Variants in ACSM3 observed in about 807,000 individuals in gnomAD.
ACSM3 encodes acyl-coenzyme A synthetase ACSM3, mitochondrial.
ACSM3 carries 61 observed loss-of-function variants against 74.1 expected under a neutral mutation model. The ratio of observed to expected loss-of-function variants is 0.82; its 90% CI spans 0.67 to 1.02. ACSM3 has a LOEUF of 1.02. Ranked by LOEUF, ACSM3 falls within the 50% of genes least tolerant of loss-of-function variation. ACSM3 has a pLI of 0.00. For missense variants in ACSM3, 660 were observed against 697.0 expected, an observed-to-expected ratio of 0.95 and a Z score of 0.60; for synonymous variants, 213 against 241.5, an observed-to-expected ratio of 0.88 and a Z score of 1.09.
At chr16:20,742,152 G>T in intron 1 of ACSM3, 1 of 899,838 alleles carries the variant, frequency 1.1e-6, no homozygotes, top group Non-Finnish European at 1.5e-6. Flanking sequence ...GAACTCAATT[G>T]AACGTGGACA....
intron 1 of ACSM3, among the ~76,000 whole-genome samples, chr16:20,695,592 A>G (rs556476553): frequency 9.2e-5 from 14 of 152,092 alleles, no homozygotes; most frequent in Non-Finnish European, 1.9e-4. Flanking sequence ...TCTATTATCT[A>G]TCTATCATCT....
intron 1 of ACSM3, among the ~76,000 whole-genome samples, chr16:20,748,510 A>G (rs234269): frequency 0.99 from 151,023 of 152,344 alleles, 74,857 homozygotes; most frequent in East Asian, 1. Context: ...CTATCTTAAA[A>G]GTCATTGTGA....
chr16:20,783,679 AG>A (rs2080403632), intron 7 of ACSM3: 1 of 152,230 alleles, frequency 6.6e-6, no homozygotes, highest in South Asian at 2.1e-4. Context: ...AAAAATACAT[AG>A]TGAAAAGTCT....
intron 12 of ACSM3, 181 bp from the exon 13 acceptor site, chr16:20,796,189 T>G: frequency 9.5e-7 from 1 of 1,054,740 alleles, no homozygotes; most frequent in South Asian, 1.9e-5. Context: ...CCAGAAGCTC[T>G]CCTGTATTAG....
chr16:20,795,300 G>A (rs1445748611), intron 12 of ACSM3, among the ~76,000 whole-genome samples: 1 of 152,138 alleles, frequency 6.6e-6, no homozygotes, highest in Admixed American at 6.5e-5. Context: ...CAGTACAGGC[G>A]TGACCCACTG....
chr16:20,711,856 C>T (rs907865033), intron 1 of ACSM3, among the ~76,000 whole-genome samples: 1 of 152,118 alleles, frequency 6.6e-6, no homozygotes, highest in African/African-American at 2.4e-5. Flanking sequence ...TGTAGTTCTG[C>T]CTCCATCCTC....
In ACSM3 at chr16:20,790,589, T is replaced by C. The variant is rs769788361; in HGVS notation, c.1227T>C (p.Ile409=). The change falls in exon 10 of 14, where the codon ATT becomes ATC. Residue 409 remains isoleucine, a splice_region_variant and synonymous_variant. Transcript: ENST00000289416. The surrounding 1 kb of genome is among the most constrained non-coding windows in gnomAD (Gnocchi z 4.0). Reference sequence around the variant, plus strand: ...TAAATTGTTCTATTTTATCCTAGATTGTAGATGTAAATGGCAATGTTCTAC... The same window carrying C: ...TAAATTGTTCTATTTTATCCTAGATCGTAGATGTAAATGGCAATGTTCTAC... ...GKPSPAFDVK[I]VDVNGNVLPP... 3 of 1,613,256 alleles carry C rather than the reference T, an allele frequency of 1.9e-6. No individual in the cohort carries two copies. Among genetic ancestry groups the C allele is most frequent in the South Asian group, 2.2e-5 (2 of 91,072 alleles).
upstream of ACSM3, among the ~76,000 whole-genome samples, chr16:20,759,049 G>A (rs954923246): frequency 2.6e-5 from 4 of 152,134 alleles, no homozygotes; most frequent in Non-Finnish European, 5.9e-5. Context: ...TTTTTTGTAT[G>A]CTAGTGAGAT....
chr16:20,776,155 T>A, intron 3 of ACSM3, 106 bp downstream of exon 3: 1 of 1,217,456 alleles, frequency 8.2e-7, no homozygotes, highest in Non-Finnish European at 1.2e-6. Flanking sequence ...GGGCTTATTG[T>A]CAAAGAGTGC....
intron 3 of ACSM3, among the ~76,000 whole-genome samples, chr16:20,756,562 A>C (rs1409158256): frequency 6.6e-6 from 1 of 152,080 alleles, no homozygotes; most frequent in South Asian, 2.1e-4. Context: ...AGGTTGCGAA[A>C]ATTTTCTCCC....
intron 1 of ACSM3, among the ~76,000 whole-genome samples, chr16:20,714,814 G>C (rs892019446): frequency 6.6e-6 from 1 of 152,144 alleles, no homozygotes; most frequent in Non-Finnish European, 1.5e-5. Context: ...TCAGGAACAA[G>C]AGGCAAAGAT....
chr16:20,703,529 G>A (rs1464496905), intron 1 of ACSM3: 2 of 151,434 alleles, frequency 1.3e-5, no homozygotes, highest in East Asian at 3.9e-4. Context: ...GTCCTTCGCA[G>A]ATTTTTTTTT....
intron 9 of ACSM3, 118 bp downstream of exon 9, chr16:20,786,276 A>G: frequency 3.5e-6 from 5 of 1,446,700 alleles, no homozygotes. Context: ...TACTTCCATG[A>G]TACTTTAATT....
At chr16:20,785,267 G>C (rs1461091920) in intron 8 of ACSM3, among the ~76,000 whole-genome samples, 160 bp downstream of exon 8, 1 of 152,146 alleles carries the variant, frequency 6.6e-6, no homozygotes, top group Non-Finnish European at 1.5e-5. Flanking sequence ...TTGCAAAAAA[G>C]CTCTGTTAAC....
intron 2 of ACSM3, among the ~76,000 whole-genome samples, chr16:20,773,276 G>A (rs1439562709): frequency 6.6e-6 from 1 of 151,520 alleles, no homozygotes; most frequent in African/African-American, 2.4e-5. Flanking sequence ...TCTTAATCTA[G>A]CTAAAGATTT....
At chr16:20,716,798 C>T (rs1244476126) in intron 1 of ACSM3, among the ~76,000 whole-genome samples, 1 of 152,158 alleles carries the variant, frequency 6.6e-6, no homozygotes, top group Non-Finnish European at 1.5e-5. Flanking sequence ...TACTCTTAAC[C>T]TGTCTTTTCT....
Position 20,796,998 on chromosome 16 carries a change from A to G in ACSM3, c.*26A>G, listed in dbSNP as rs201704352. On this transcript the variant is annotated 3_prime_UTR_variant, in exon 14 of 14. Transcript: ENST00000289416. ...AGTTGTTTCATTAATTACCATATCT[A>G]TAAAACAAACATAGTATCTGTCAAT... 1.1e-5 allele frequency: 18 copies of G among 1,606,590 alleles called. No homozygotes were observed. The African/African-American group carries it at 1.2e-4, about 11-fold the overall frequency.
chr16:20,789,905 C>T (rs1226959323), intron 9 of ACSM3, among the ~76,000 whole-genome samples: 1 of 151,666 alleles, frequency 6.6e-6, no homozygotes, highest in Non-Finnish European at 1.5e-5. Flanking sequence ...AACTCCTGAC[C>T]TCAGGCGATC....
Position 20,780,800 on chromosome 16 carries a change from C to G in ACSM3, c.725C>G (p.Pro242Arg). 1.9e-6 allele frequency: 3 copies of G among 1,614,168 alleles called. No homozygotes were observed. Among genetic ancestry groups the G allele is most frequent in the Non-Finnish European group, 2.5e-6 (3 of 1,180,024 alleles). Residue 242 changes from proline (P) to arginine (R), a missense_variant, in exon 5 of 14, where the codon CCG becomes CGG. Transcript: ENST00000289416. ...IFFTSGTSGY[P>R]KMTAHTHSSF... ...TTTACCAGTGGAACAAGTGGATATC[C>G]GAAAATGACTGCACACACCCACAGC...
Sources: allele counts gnomAD v4.1 joint callset (sites outside exome capture counted in the v4.1 genomes callset), GRCh38; gene constraint gnomAD v4.1.1; non-coding constraint Gnocchi (gnomAD v3.1); transcripts MANE v1.5; gene names NCBI Gene and HGNC (gene_info 2026-07-23, HGNC 2026-07-21).